MYO7B: variants seen among roughly 807,000 people sequenced by gnomAD.
MYO7B encodes the protein myosin VIIB, also known as unconventional myosin-VIIb.
Under a neutral mutation model 259.7 loss-of-function variants are expected in MYO7B, and 212 were observed. That is an observed-to-expected ratio of 0.82 (90% CI 0.73 to 0.91). The LOEUF (loss-of-function observed/expected upper bound fraction) is 0.91. Ranked by LOEUF, MYO7B falls within the 40% of genes least tolerant of loss-of-function variation. The probability of loss-of-function intolerance (pLI) is 0.00; values close to 1 mark genes in which losing one functional copy is unlikely to be tolerated. For missense variants in MYO7B, 2,732 were observed against 2,813.5 expected, an observed-to-expected ratio of 0.97 and a Z score of 0.66; for synonymous variants, 1,197 against 1,166.4, an observed-to-expected ratio of 1.03 and a Z score of -0.54.
chr2:127,592,565 A>G (rs892414872), intron 16 of MYO7B, among the ~76,000 whole-genome samples: 2 of 151,982 alleles, frequency 1.3e-5, no homozygotes, highest in East Asian at 3.9e-4. Flanking sequence ...TCTCCTTGAC[A>G]ACATTACGGG....
In MYO7B at chr2:127,569,930, C is replaced by G. The variant is rs1382076846; in HGVS notation, c.592+20C>G. ...TGGAGGGTAAGCATCACTCTGGGACCCGCCCTTCTCCCCCAGCCCCCCTGG... is the reference window on the plus strand; with the variant it reads ...TGGAGGGTAAGCATCACTCTGGGACGCGCCCTTCTCCCCCAGCCCCCCTGG... On this transcript the variant is annotated intron_variant, in intron 6 of 47. Coordinates refer to ENST00000409816, the MANE Select transcript of MYO7B (RefSeq NM_001393586.1). 6.2e-7 allele frequency: 1 copy of G among 1,601,028 alleles called. No individual in the cohort carries two copies.
rs775684886 is a variant in MYO7B, at chr2:127,576,903, C to A, written c.849+195C>A. ...CTTGCCCGCGTGCCTCCCGCTTCCC[C>A]GTCACATGTACCCCATGCCCCAGGC... On this transcript the variant is annotated intron_variant, in intron 8 of 47. Transcript: ENST00000409816. The surrounding 1 kb of genome is among the most constrained non-coding windows in gnomAD (Gnocchi z 4.9). 6.6e-6 allele frequency among the ~76,000 whole-genome samples: 1 copy of A among 152,122 alleles called. No individual in the cohort carries two copies. Among genetic ancestry groups the A allele is most frequent in the Non-Finnish European group, 1.5e-5 (1 of 68,010 alleles).
At chr2:127,623,595 C>T (rs1002685793) in intron 29 of MYO7B, among the ~76,000 whole-genome samples, 1 of 152,174 alleles carries the variant, frequency 6.6e-6, no homozygotes, top group South Asian at 2.1e-4. Flanking sequence ...CTTGCAGCTG[C>T]GCCTCAGCCC....
chr2:127,633,475 G>C (rs1681631171), intron 40 of MYO7B, 112 bp downstream of exon 40: 1 of 1,060,258 alleles, frequency 9.4e-7, no homozygotes, highest in Admixed American at 2.2e-5. Context: ...CTTTTCTAGG[G>C]CTGTCCCATC....
Position 127,628,059 on chromosome 2 carries a change from G to A in MYO7B, c.4461-313G>A, listed in dbSNP as rs1341942829. The A allele has an allele frequency of 1.8e-6, 1 of 559,512 alleles. No individual in the cohort carries two copies. Among genetic ancestry groups the A allele is most frequent in the Non-Finnish European group, 3.4e-6 (1 of 293,816 alleles). 34.7% of individuals were successfully genotyped at this position (559,512 alleles called of 1,614,324 possible). A position where few individuals can be genotyped will look rare whatever the true frequency, so the allele number is the denominator to read the frequency against. On this transcript the variant is annotated intron_variant, in intron 33 of 47. Transcript: ENST00000409816. This position sits in a 1 kb window ranked among gnomAD's most constrained non-coding sequence, Gnocchi z 4.8. ...TGGCTCAGAGTAAGCACATGGCAGA[G>A]CCGGCAGCTCATCTCAGCTCTGACC...
chr2:127,562,374 G>GCAACCT (rs1678126347), intron 2 of MYO7B, among the ~76,000 whole-genome samples: 1 of 151,770 alleles, frequency 6.6e-6, no homozygotes, highest in Non-Finnish European at 1.5e-5. Context: ...ACAATTCACT[G>GCAACCT]CAACCTCCAC....
At chr2:127,582,146 C>T in intron 11 of MYO7B, 136 bp downstream of exon 11, 2 of 1,473,714 alleles carry the variant, frequency 1.4e-6, no homozygotes, top group Non-Finnish European at 1.8e-6. Flanking sequence ...GCCTGGTGAC[C>T]ATGGACTCCT....
rs777017798 is a variant in MYO7B, at chr2:127,635,158, C to A, written c.5752C>A (p.Arg1918=). The change falls in exon 43 of 48, where the codon CGG becomes AGG. Residue 1918 remains arginine (R), a synonymous_variant. Transcript: ENST00000409816. The stretch of plus-strand genomic sequence containing the variant: ...GCTCCCCTACCAGGTGTACTTCATG[C>A]GGAAATTGTGGCTCAACATATCTCC... ...VTLPYQVYFM[R]KLWLNISPGK... 6.2e-7 allele frequency: 1 copy of A among 1,613,540 alleles called. No individual in the cohort carries two copies. The highest frequency in any genetic ancestry group is 8.5e-7 in the Non-Finnish European group (1 of 1,179,736).
intron 19 of MYO7B, among the ~76,000 whole-genome samples, chr2:127,605,399 C>A (rs1486252091): frequency 6.6e-6 from 1 of 152,112 alleles, no homozygotes; most frequent in Non-Finnish European, 1.5e-5. Flanking sequence ...AGTTTGAGAC[C>A]AAACTGGTCA....
chr2:127,622,884 C>G (rs537810893), intron 28 of MYO7B, among the ~76,000 whole-genome samples: 1 of 152,346 alleles, frequency 6.6e-6, no homozygotes, highest in South Asian at 2.1e-4. Context: ...CTGAACCACA[C>G]CAAGCTCAGG....
In MYO7B at chr2:127,631,740, C is replaced by A. The variant is rs1033839745; in HGVS notation, c.5236C>A (p.His1746Asn). 1.2e-6 allele frequency: 2 copies of A among 1,612,542 alleles called. No homozygotes were observed. Among genetic ancestry groups the A allele is most frequent in the Non-Finnish European group, 1.7e-6 (2 of 1,179,666 alleles). Residue 1746 changes from histidine (H) to asparagine (N), a missense_variant, in exon 38 of 48, where the codon CAC becomes AAC. Physicochemically the swap from His to Asn is moderately conservative, Grantham distance 68. Around this residue, in one of 3 missense-constraint regions of MYO7B, gnomAD observed 821 missense variants for 769.3 expected, o/e 1.07. Transcript: ENST00000409816. Reference protein sequence around the residue: ...VYCQILKQLTHNSNRHSEERG... With the variant: ...VYCQILKQLTNNSNRHSEERG... ...CTGCCAGATCCTGAAGCAGCTGACG[C>A]ACAACTCCAACAGGTCTGCTGGGGC...
At chr2:127,564,334 G>A (rs1006005494) in intron 3 of MYO7B, 68 bp downstream of exon 3, 28 of 1,249,868 alleles carry the variant, frequency 2.2e-5, no homozygotes, top group African/African-American at 1.0e-4. Context: ...AGCCCTCCCC[G>A]CCCTGTGGAG....
In MYO7B at chr2:127,622,107, G is replaced by A. The variant is rs1272688331; in HGVS notation, c.3645+6G>A. Reference sequence around the variant, plus strand: ...CCACCTGGCTGGAGCTGCAGGTAGGGGCTGGCAGGGGTGAGAGCGGGCAGG... The same window carrying A: ...CCACCTGGCTGGAGCTGCAGGTAGGAGCTGGCAGGGGTGAGAGCGGGCAGG... On this transcript the variant is annotated splice_donor_region_variant and intron_variant, in intron 28 of 47. Transcript: ENST00000409816. 3.2e-6 allele frequency: 5 copies of A among 1,548,278 alleles called. No homozygotes were observed. The highest frequency in any genetic ancestry group is 1.2e-5 in the South Asian group (1 of 83,838).
At position 127,569,837 on chromosome 2, in the gene MYO7B, G is replaced by C; in HGVS notation, c.519G>C (p.Gln173His). 2 of 1,613,480 alleles carry C rather than the reference G, an allele frequency of 1.2e-6. No individual in the cohort carries two copies. The highest frequency in any genetic ancestry group is 8.5e-7 in the Non-Finnish European group (1 of 1,179,566). The change falls in exon 6 of 48, where the codon CAG (glutamine) becomes CAC (histidine). Residue 173 changes from glutamine to histidine, a missense_variant. Around this residue, in one of 3 missense-constraint regions of MYO7B, gnomAD observed 1,906 missense variants for 2,026.4 expected, o/e 0.94. Coordinates refer to ENST00000409816, the MANE Select transcript of MYO7B (RefSeq NM_001393586.1). ...CGGAGACCACCAAGCTCATCCTGCA[G>C]TTCCTGGCCACCATCAGTGGCCAGC... ...GKTETTKLIL[Q>H]FLATISGQHS...
At chr2:127,623,459 C>T in intron 29 of MYO7B, 84 bp downstream of exon 29, 1 of 1,381,060 alleles carries the variant, frequency 7.2e-7, no homozygotes, top group Non-Finnish European at 9.6e-7. Flanking sequence ...TCTCACCTTT[C>T]CAGCCCGGCC....
At chr2:127,592,394 C>A (rs1187441537) in intron 16 of MYO7B, among the ~76,000 whole-genome samples, 1 of 151,866 alleles carries the variant, frequency 6.6e-6, no homozygotes, top group African/African-American at 2.4e-5. Flanking sequence ...GACTCCATCT[C>A]AAAAAAATAA....
At position 127,609,957 on chromosome 2, in the gene MYO7B, C is replaced by G. The variant is rs1464956376; in HGVS notation, c.3133C>G (p.His1045Asp). 6.2e-7 allele frequency: 1 copy of G among 1,607,682 alleles called. No homozygotes were observed. Among genetic ancestry groups the G allele is most frequent in the African/African-American group, 1.3e-5 (1 of 74,816 alleles). ...GGGCAGCTCAGTGATGCGGCAGATC[C>G]ATGACACGCTGGGCAGGGAGCACGG... ...QQGSSVMRQI[H>D]DTLGREHGAQ... Residue 1045 changes from histidine to aspartate, a missense_variant, in exon 24 of 48, where the codon CAT becomes GAT. Physicochemically the swap from His to Asp is moderately conservative, Grantham distance 81. Coordinates refer to ENST00000409816, the MANE Select transcript of MYO7B (RefSeq NM_001393586.1). This position sits in a 1 kb window ranked among gnomAD's most constrained non-coding sequence, Gnocchi z 6.9.
Position 127,629,355 on chromosome 2 carries a change from C to T in MYO7B, c.4625-290C>T, listed in dbSNP as rs181933402. Among the ~76,000 whole-genome samples the T allele has an allele frequency of 1.3e-3, 203 of 152,320 alleles. 1 individual carries two copies. The highest frequency in any genetic ancestry group is 2.7e-3 in the Admixed American group (42 of 15,310). On this transcript the variant is annotated intron_variant, in intron 34 of 47. Transcript: ENST00000409816. The stretch of plus-strand genomic sequence containing the variant: ...ACTGCCAGCCTGTGCATCCTCCCCT[C>T]CCTCATCCCTGGCTCCTGGTCAGCC...
intron 19 of MYO7B, among the ~76,000 whole-genome samples, chr2:127,600,687 G>A (rs1211649514): frequency 2.6e-5 from 4 of 152,176 alleles, no homozygotes; most frequent in Non-Finnish European, 5.9e-5. Context: ...TTCAGCCTGG[G>A]CAACAAGAGT....
Sources: allele counts gnomAD v4.1 joint callset (sites outside exome capture counted in the v4.1 genomes callset), GRCh38; gene constraint gnomAD v4.1.1; regional missense constraint gnomAD v4.1.1; non-coding constraint Gnocchi (gnomAD v3.1); transcripts MANE v1.5; gene names NCBI Gene and HGNC (gene_info 2026-07-23, HGNC 2026-07-21).